The following RPS6KC1 variants were observed in gnomAD, a reference collection of about 807,000 sequenced individuals.
RPS6KC1 encodes the protein inactive ribosomal protein S6 kinase delta-1.
A neutral mutation model predicts 103.8 loss-of-function variants in RPS6KC1; 54 were observed. The observed-to-expected ratio is 0.52, with a 90% CI of 0.42 to 0.65. The LOEUF is 0.65. RPS6KC1 is among the 30% of genes least tolerant of loss of function. RPS6KC1 has a pLI of 0.00. For synonymous variants in RPS6KC1, 439 were observed against 438.7 expected (o/e 1.00, Z -0.01); for missense variants, 1,151 against 1,253.8 (o/e 0.92, Z 1.24).
the RPS6KC1 span, among the ~76,000 whole-genome samples, chr1:213,753,973 C>T: frequency 6.6e-6 from 1 of 152,046 alleles, no homozygotes; most frequent in East Asian, 1.9e-4. Context: ...CCCCTGAAGC[C>T]CTGGGAGGGC....
intron 2 of RPS6KC1, among the ~76,000 whole-genome samples, chr1:213,071,638 G>GATACTATTTACCCATTTTA (rs2078895099): frequency 6.6e-6 from 1 of 152,022 alleles, no homozygotes; most frequent in Admixed American, 6.6e-5. Context: ...TCACTTAAGG[G>GATACTATTTACCCATTTTA]CCCCTATTTA....
chr1:213,625,237 T>C, the RPS6KC1 span, among the ~76,000 whole-genome samples: 1 of 152,226 alleles, frequency 6.6e-6, no homozygotes, highest in African/African-American at 2.4e-5. Flanking sequence ...AGCAGTTTCT[T>C]TAGATGCTTC....
chr1:213,672,659 G>A, the RPS6KC1 span, among the ~76,000 whole-genome samples: 2 of 151,922 alleles, frequency 1.3e-5, no homozygotes, highest in Non-Finnish European at 1.5e-5. Flanking sequence ...TTATCATCTA[G>A]CCTTATCCAC....
Position 213,262,804 on chromosome 1 carries a change from A to G in RPS6KC1, c.3078A>G (p.Ser1026=). The stretch of plus-strand genomic sequence containing the variant: ...AATGTGTCTCTGAAGAGGCTCGCTC[A>G]CTCATTCAACAGGTAATTTAACTGA... ...MPECVSEEAR[S]LIQQLLQFNP... Residue 1026 remains serine, a synonymous_variant, in exon 14 of 15, where the codon TCA becomes TCG. Transcript: ENST00000366960. The G allele has an allele frequency of 4.4e-6, 7 of 1,603,324 alleles. No homozygotes were observed. Among genetic ancestry groups the G allele is most frequent in the Admixed American group, 1.7e-5 (1 of 60,000 alleles).
At chr1:213,390,992 T>C in the RPS6KC1 span, among the ~76,000 whole-genome samples, 1 of 152,118 alleles carries the variant, frequency 6.6e-6, no homozygotes, top group South Asian at 2.1e-4. Context: ...GTGATACCGA[T>C]GTATATGATT....
At chr1:213,852,755 C>A in the RPS6KC1 span, among the ~76,000 whole-genome samples, 1 of 152,184 alleles carries the variant, frequency 6.6e-6, no homozygotes, top group Non-Finnish European at 1.5e-5. Flanking sequence ...GAGAGACAAA[C>A]ATACACAGGT....
chr1:213,657,643 C>T, the RPS6KC1 span, among the ~76,000 whole-genome samples: 1 of 151,928 alleles, frequency 6.6e-6, no homozygotes, highest in Non-Finnish European at 1.5e-5. Flanking sequence ...CCAGGCAGAA[C>T]GTATACAAAC....
chr1:213,509,477 A>G, the RPS6KC1 span, among the ~76,000 whole-genome samples: 1 of 152,220 alleles, frequency 6.6e-6, no homozygotes, highest in Non-Finnish European at 1.5e-5. Flanking sequence ...TTATTCTGTA[A>G]TGAAAAGGCT....
At chr1:213,710,088 C>T in the RPS6KC1 span, among the ~76,000 whole-genome samples, 2 of 152,100 alleles carry the variant, frequency 1.3e-5, no homozygotes, top group African/African-American at 4.8e-5. Flanking sequence ...AATTTTCTGT[C>T]TTGTTGATCT....
At chr1:213,111,128 G>A (rs148631701) in intron 4 of RPS6KC1, among the ~76,000 whole-genome samples, 35 of 151,974 alleles carry the variant, frequency 2.3e-4, no homozygotes, top group African/African-American at 7.7e-4. Flanking sequence ...TGGTTCTGTG[G>A]TTTCTCGGTA....
chr1:213,192,632 C>T (rs1230341299), intron 8 of RPS6KC1, among the ~76,000 whole-genome samples: 2 of 152,046 alleles, frequency 1.3e-5, no homozygotes, highest in Non-Finnish European at 2.9e-5. Flanking sequence ...GTTTGTCAAT[C>T]TTGTTTACCT....
chr1:213,530,096 C>T, the RPS6KC1 span, among the ~76,000 whole-genome samples: 20 of 151,774 alleles, frequency 1.3e-4, no homozygotes, highest in African/African-American at 4.4e-4. Flanking sequence ...TACATGTGCA[C>T]AACGTGCAGG....
the RPS6KC1 span, among the ~76,000 whole-genome samples, chr1:213,416,801 C>T: frequency 1.3e-5 from 2 of 152,194 alleles, no homozygotes; most frequent in Non-Finnish European, 2.9e-5. Flanking sequence ...TTCCACTCCC[C>T]TCTTCCTGCC....
chr1:213,694,055 C>T, the RPS6KC1 span, among the ~76,000 whole-genome samples: 1 of 152,210 alleles, frequency 6.6e-6, no homozygotes, highest in Admixed American at 6.5e-5. Flanking sequence ...CAGCCAGCAT[C>T]TTCACAATAA....
intron 8 of RPS6KC1, among the ~76,000 whole-genome samples, chr1:213,219,015 A>T (rs997415139): frequency 6.6e-6 from 1 of 152,246 alleles, no homozygotes. Context: ...GACAAATGGT[A>T]TCTAATTAAA....
the RPS6KC1 span, among the ~76,000 whole-genome samples, chr1:213,623,493 G>A: frequency 2.6e-5 from 4 of 152,108 alleles, no homozygotes; most frequent in South Asian, 2.1e-4. Context: ...ACCCATAAGC[G>A]CTTACAGTCT....
At chr1:213,084,177 C>T (rs564757157) in intron 3 of RPS6KC1, among the ~76,000 whole-genome samples, 1 of 152,234 alleles carries the variant, frequency 6.6e-6, no homozygotes, top group Admixed American at 6.5e-5. Context: ...CTCTCTCTCT[C>T]CCTCTTCCCC....
chr1:213,247,098 T>G (rs2094466118), intron 12 of RPS6KC1, among the ~76,000 whole-genome samples: 1 of 152,196 alleles, frequency 6.6e-6, no homozygotes, highest in African/African-American at 2.4e-5. Context: ...TGCTTGAAAT[T>G]TACATTGATA....
the RPS6KC1 span, among the ~76,000 whole-genome samples, chr1:213,660,954 C>G: frequency 6.6e-6 from 1 of 152,156 alleles, no homozygotes. Context: ...GAGACAAGCC[C>G]AGGTAGTGAG....
Sources: gnomAD v4.1 joint callset for allele counts (sites outside exome capture counted in the v4.1 genomes callset) on GRCh38, gnomAD v4.1.1 for gene constraint, MANE v1.5 for transcripts, NCBI Gene and HGNC (gene_info 2026-07-23, HGNC 2026-07-21) for gene names.